BMPR1B: variants seen among roughly 807,000 people sequenced by gnomAD.
The protein encoded by BMPR1B is bone morphogenetic protein receptor type 1B.
A neutral mutation model predicts 59.1 loss-of-function variants in BMPR1B; 12 were observed. The ratio of observed to expected loss-of-function variants is 0.20; its 90% CI spans 0.13 to 0.33. The LOEUF (loss-of-function observed/expected upper bound fraction) is 0.33. Among genes scored for constraint, BMPR1B ranks in the 10% least tolerant of loss-of-function variants. The pLI, the probability that BMPR1B is intolerant of heterozygous loss-of-function variation, is 1.00. For synonymous variants in BMPR1B, 237 were observed against 207.3 expected, an observed-to-expected ratio of 1.14 and a Z score of -1.23; for missense variants, 550 against 610.9, an observed-to-expected ratio of 0.90 and a Z score of 1.05.
At chr4:95,050,284 C>T (rs1235458842) in intron 3 of BMPR1B, among the ~76,000 whole-genome samples, 1 of 152,128 alleles carries the variant, frequency 6.6e-6, no homozygotes. Flanking sequence ...TACCACCAAC[C>T]TCCATGTTTC....
chr4:94,882,608 A>G (rs1443584806), intron 2 of BMPR1B, among the ~76,000 whole-genome samples: 1 of 152,168 alleles, frequency 6.6e-6, no homozygotes, highest in Non-Finnish European at 1.5e-5. Flanking sequence ...AGAATCAGAG[A>G]CTTTACTTAC....
At chr4:94,879,640 G>A (rs1018153201) in intron 2 of BMPR1B, among the ~76,000 whole-genome samples, 1 of 151,970 alleles carries the variant, frequency 6.6e-6, no homozygotes. Flanking sequence ...AAATACATTT[G>A]GTTCTTATTT....
At chr4:94,812,192 A>G (rs1254612308) in intron 1 of BMPR1B, among the ~76,000 whole-genome samples, 1 of 145,784 alleles carries the variant, frequency 6.9e-6, no homozygotes, top group African/African-American at 2.8e-5. Context: ...CAAAATTTAA[A>G]GTCAGTTAGA....
intron 2 of BMPR1B, among the ~76,000 whole-genome samples, chr4:94,972,170 C>T (rs147985550): frequency 6.6e-6 from 1 of 151,740 alleles, no homozygotes; most frequent in Admixed American, 6.6e-5. Context: ...ATAATCAATT[C>T]ACTGGATAAC....
chr4:94,944,068 T>C (rs960187720), intron 2 of BMPR1B, among the ~76,000 whole-genome samples: 2 of 152,232 alleles, frequency 1.3e-5, no homozygotes, highest in African/African-American at 2.4e-5. Flanking sequence ...ATTTAAAATA[T>C]TATATAAAAT....
intron 1 of BMPR1B, among the ~76,000 whole-genome samples, chr4:94,856,714 T>G (rs1469461312): frequency 6.6e-6 from 1 of 152,176 alleles, no homozygotes; most frequent in East Asian, 1.9e-4. Context: ...CCAAACTGTT[T>G]TGTGGTAGAT....
In BMPR1B at chr4:95,100,921, A is replaced by G. The variant is rs1207785675; in HGVS notation, c.-17-3487A>G. ...TTTTTTAAAGTCTTTACTTTCTTTA[A>G]TATAATCTACTTCTTCCAAGTAGTG... On this transcript the variant is annotated intron_variant, in intron 3 of 12. Coordinates refer to ENST00000515059, the MANE Select transcript of BMPR1B (RefSeq NM_001203.3). Among the ~76,000 whole-genome samples the G allele has an allele frequency of 2.6e-5, 4 of 152,094 alleles. No homozygotes were observed. In the East Asian group the frequency reaches 7.7e-4, roughly 29 times the overall value.
chr4:94,811,032 A>C (rs1169814494), intron 1 of BMPR1B, among the ~76,000 whole-genome samples: 1 of 152,204 alleles, frequency 6.6e-6, no homozygotes, highest in East Asian at 1.9e-4. Context: ...CACAATAAAG[A>C]ATGATGAATT....
Position 94,963,980 on chromosome 4 carries a change from A to G in BMPR1B, c.-112-32060A>G, listed in dbSNP as rs183331277. On this transcript the variant is annotated intron_variant, in intron 2 of 12. Coordinates refer to ENST00000515059, the MANE Select transcript of BMPR1B (RefSeq NM_001203.3). The stretch of plus-strand genomic sequence containing the variant: ...AATCCATGAACATGGAATATCTTTC[A>G]ATTTTTTGTATTATCTTCAGTTTTT... 1.4e-3 allele frequency among the ~76,000 whole-genome samples: 216 copies of G among 152,046 alleles called. 3 individuals are homozygous for G. Among genetic ancestry groups the G allele is most frequent in the Middle Eastern group, 6.8e-3 (2 of 294 alleles).
chr4:95,034,096 C>G (rs1046956677), intron 3 of BMPR1B, among the ~76,000 whole-genome samples: 5 of 152,096 alleles, frequency 3.3e-5, no homozygotes, highest in African/African-American at 1.2e-4. Context: ...CTCATAGACT[C>G]TCTGGAAAGA....
At chr4:94,944,082 C>T (rs1311373912) in intron 2 of BMPR1B, among the ~76,000 whole-genome samples, 1 of 151,912 alleles carries the variant, frequency 6.6e-6, no homozygotes, top group South Asian at 2.1e-4. Flanking sequence ...ATAAAATTAC[C>T]TCAGGCAATA....
At chr4:94,957,650 A>T (rs1730200186) in intron 2 of BMPR1B, among the ~76,000 whole-genome samples, 1 of 151,956 alleles carries the variant, frequency 6.6e-6, no homozygotes. Flanking sequence ...TGGTCTTGTG[A>T]TCATTCATTT....
intron 1 of BMPR1B, among the ~76,000 whole-genome samples, chr4:94,811,689 T>A (rs1488203928): frequency 6.6e-6 from 1 of 152,172 alleles, no homozygotes; most frequent in African/African-American, 2.4e-5. Context: ...TAAGCTTCGA[T>A]ACCTTGGTCA....
At chr4:94,776,450 A>C (rs1332798775) in intron 1 of BMPR1B, among the ~76,000 whole-genome samples, 1 of 152,164 alleles carries the variant, frequency 6.6e-6, no homozygotes, top group Non-Finnish European at 1.5e-5. Context: ...TTCTAAGTTA[A>C]TTTTGGTTCT....
At chr4:94,844,627 G>A (rs1725242200) in intron 1 of BMPR1B, among the ~76,000 whole-genome samples, 1 of 151,998 alleles carries the variant, frequency 6.6e-6, no homozygotes, top group Non-Finnish European at 1.5e-5. Context: ...ATACTGGCCA[G>A]GTCTCTTGCT....
chr4:95,134,875 A>G (rs1733653776), intron 10 of BMPR1B, among the ~76,000 whole-genome samples: 1 of 152,026 alleles, frequency 6.6e-6, no homozygotes, highest in Admixed American at 6.6e-5. Flanking sequence ...ATTAGATCCC[A>G]TTTGTCAATT....
chr4:94,941,518 ATTTTC>A (rs1280742456), intron 2 of BMPR1B, among the ~76,000 whole-genome samples: 1 of 152,102 alleles, frequency 6.6e-6, no homozygotes, highest in African/African-American at 2.4e-5. Flanking sequence ...TAAAATCAAT[ATTTTC>A]TTTATAGATT....
intron 10 of BMPR1B, among the ~76,000 whole-genome samples, chr4:95,147,388 A>T (rs911441671): frequency 6.6e-6 from 1 of 152,222 alleles, no homozygotes; most frequent in African/African-American, 2.4e-5. Flanking sequence ...TGGTCAAGGC[A>T]ATGAGATCAA....
chr4:94,862,683 T>C (rs113102712), intron 1 of BMPR1B, among the ~76,000 whole-genome samples: 15,349 of 151,038 alleles, frequency 0.1, 2,134 homozygotes, highest in African/African-American at 0.32. Context: ...TGGTGGCTCA[T>C]GCCTGTAATC....
Sources: gnomAD v4.1 joint callset for allele counts (sites outside exome capture counted in the v4.1 genomes callset) on GRCh38, gnomAD v4.1.1 for gene constraint, MANE v1.5 for transcripts, NCBI Gene and HGNC (gene_info 2026-07-23, HGNC 2026-07-21) for gene names.